Variants in MAPK8IP3 observed in about 807,000 individuals in gnomAD.
MAPK8IP3 encodes C-Jun-amino-terminal kinase-interacting protein 3.
In MAPK8IP3, 49 loss-of-function variants were observed where a neutral mutation model predicts 157.8. That is an observed-to-expected ratio of 0.31 (90% CI 0.25 to 0.39). The LOEUF (loss-of-function observed/expected upper bound fraction) is 0.39. MAPK8IP3 is among the 10% of genes least tolerant of loss of function. The pLI is 1.00. For missense variants in MAPK8IP3, 1,478 were observed against 1,889.4 expected (o/e 0.78, Z 4.04); for synonymous variants, 897 against 777.7 (o/e 1.15, Z -2.55).
At chr16:1,763,971 GC>G in intron 17 of MAPK8IP3, 143 bp from the exon 18 acceptor site, 1 of 1,062,210 alleles carries the variant, frequency 9.4e-7, no homozygotes, top group Non-Finnish European at 1.3e-6. Flanking sequence ...CGGAGAAGGA[GC>G]CCCGCGGCTC....
Position 1,762,351 on chromosome 16 carries a change from G to T in MAPK8IP3, c.1540G>T (p.Asp514Tyr), listed in dbSNP as rs764612904. Reference protein sequence around the residue: ...DVSSYLCTESDKIPMAQRRRF... With the variant: ...DVSSYLCTESYKIPMAQRRRF... ...AGCCTCTGTGCCCCTCCCTCCGCAGGACAAAATCCCCATGGCCCAGCGCCG... is the reference window on the plus strand; with the variant it reads ...AGCCTCTGTGCCCCTCCCTCCGCAGTACAAAATCCCCATGGCCCAGCGCCG... Residue 514 changes from aspartate to tyrosine, a missense_variant and splice_region_variant, in exon 14 of 32, where the codon GAC becomes TAC. By Grantham distance (160) the Asp-to-Tyr change is radical. Transcript: ENST00000610761. 3.8e-6 allele frequency: 6 copies of T among 1,571,174 alleles called. No individual in the cohort carries two copies. The highest frequency in any genetic ancestry group is 4.3e-6 in the Non-Finnish European group (5 of 1,158,858).
At chr16:1,753,503 C>T (rs1393080356) in intron 8 of MAPK8IP3, among the ~76,000 whole-genome samples, 2 of 151,542 alleles carry the variant, frequency 1.3e-5, no homozygotes, top group Non-Finnish European at 2.9e-5. Flanking sequence ...TGCAGTGACA[C>T]GATATCAGCT....
rs538236612 is a variant in MAPK8IP3, at chr16:1,717,776, C to T, written c.319-6781C>T. Among the ~76,000 whole-genome samples the T allele has an allele frequency of 6.6e-5, 10 of 152,198 alleles. No homozygotes were observed. In the South Asian group the frequency reaches 1.4e-3, roughly 22 times the overall value. ...GTTAAAACTTTATTTTTCTCAGCTC[C>T]GTTTATATTTTGTAATCGTGCTTTA... On this transcript the variant is annotated intron_variant, in intron 1 of 31. Transcript: ENST00000610761.
At chr16:1,722,494 G>A (rs553866338) in intron 1 of MAPK8IP3, among the ~76,000 whole-genome samples, 1 of 152,260 alleles carries the variant, frequency 6.6e-6, no homozygotes, top group South Asian at 2.1e-4. Flanking sequence ...CACTACCCAT[G>A]GATCTTCCAG....
chr16:1,761,330 A>T lies in MAPK8IP3; in HGVS notation c.1539+25A>T, dbSNP rs770017734. 1.4e-5 allele frequency: 23 copies of T among 1,599,216 alleles called. No homozygotes were observed. The Admixed American group carries it at 3.7e-4, about 26-fold the overall frequency. ...GGTACATCCACTCTTCACTCTTCAC[A>T]TGCGGGGCGTCCACCATTCACTTTT... On this transcript the variant is annotated intron_variant, in intron 13 of 31. Transcript: ENST00000610761.
At position 1,721,884 on chromosome 16, in the gene MAPK8IP3, C is replaced by T. The variant is rs192555238; in HGVS notation, c.319-2673C>T. 2.8e-4 allele frequency among the ~76,000 whole-genome samples: 43 copies of T among 152,328 alleles called. No individual in the cohort carries two copies. In the East Asian group the frequency reaches 7.9e-3, roughly 28 times the overall value. On this transcript the variant is annotated intron_variant, in intron 1 of 31. Coordinates refer to ENST00000610761, the MANE Select transcript of MAPK8IP3 (RefSeq NM_001318852.2). ...TCCCGGGTTCAAGTGATTCTCCTGCCTCGCCCTCCCGAGTAGCTGGGACTA... is the reference window on the plus strand; with the variant it reads ...TCCCGGGTTCAAGTGATTCTCCTGCTTCGCCCTCCCGAGTAGCTGGGACTA...
rs1354067162 is a variant in MAPK8IP3, at chr16:1,706,288, G to A, written c.-52G>A. ...GCGGAACCTGAGGCAGCTGGGGAGG[G>A]CCGGGCGCGCCGGCCGGATAGCGAG... is the stretch of plus-strand genomic sequence containing the variant. On this transcript the variant is annotated 5_prime_UTR_variant, in exon 1 of 32. Coordinates refer to ENST00000610761, the MANE Select transcript of MAPK8IP3 (RefSeq NM_001318852.2). This position sits in a 1 kb window ranked among gnomAD's most constrained non-coding sequence, Gnocchi z 5.1. 4.1e-6 allele frequency: 6 copies of A among 1,477,324 alleles called. No homozygotes were observed. Among genetic ancestry groups the A allele is most frequent in the Non-Finnish European group, 5.4e-6 (6 of 1,113,308 alleles). 91.5% of individuals were successfully genotyped at this position (1,477,324 alleles called of 1,614,324 possible).
chr16:1,748,306 G>C lies in MAPK8IP3; in HGVS notation c.1057G>C (p.Asp353His), dbSNP rs374099237. Residue 353 changes from aspartate (D) to histidine (H), a missense_variant, in exon 7 of 32, where the codon GAC becomes CAC. Physicochemically the swap from Asp to His is moderately conservative, Grantham distance 81. Around this residue, in one of 11 missense-constraint regions of MAPK8IP3, gnomAD observed 315 missense variants for 394.4 expected, o/e 0.80. Transcript: ENST00000610761. ...QDIIDSTPEL[D>H]MCPETRLDRT... ...CATTATTGACTCCACGCCAGAGCTG[G>C]ACATGTGTCCAGAGACCCGCCTGGA... The C allele has an allele frequency of 5.0e-6, 8 of 1,613,970 alleles. No individual in the cohort carries two copies. In the Admixed American group the frequency reaches 1.3e-4, roughly 27 times the overall value.
chr16:1,729,444 G>GGC (rs1555446136), intron 3 of MAPK8IP3, 43 bp from the exon 4 acceptor site: 1 of 1,517,172 alleles, frequency 6.6e-7, no homozygotes, highest in Non-Finnish European at 8.9e-7. Context: ...GACGGAGACA[G>GGC]CCCCCCACGG....
intron 10 of MAPK8IP3, among the ~76,000 whole-genome samples, chr16:1,759,319 C>T (rs2041802707): frequency 6.6e-6 from 1 of 152,208 alleles, no homozygotes. Flanking sequence ...GCAGGCAGGA[C>T]CCCTGAGCCC....
In MAPK8IP3 at chr16:1,768,317, C is replaced by T. The variant is rs780299023; in HGVS notation, c.3681C>T (p.Ala1227=). The T allele has an allele frequency of 1.2e-5, 20 of 1,608,924 alleles. No individual in the cohort carries two copies. The East Asian group carries it at 1.8e-4, about 14-fold the overall frequency. Residue 1227 remains alanine, a synonymous_variant, in exon 30 of 32, where the codon GCC becomes GCT. Coordinates refer to ENST00000610761, the MANE Select transcript of MAPK8IP3 (RefSeq NM_001318852.2). ...ASSFIPYCSM[A]QAQLCFHGHR... is the part of the protein sequence containing the mutation. ...GCTTCATCCCCTACTGCTCCATGGC[C>T]CAGGCCCAGCTATGCTTCCATGGGC...
intron 5 of MAPK8IP3, chr16:1,744,813 T>C: frequency 1.0e-6 from 1 of 985,474 alleles, no homozygotes; most frequent in Non-Finnish European, 1.2e-6. Context: ...TAGCGTTTTA[T>C]GTTTTCGTTC....
chr16:1,732,996 G>A (rs573494176), intron 4 of MAPK8IP3, among the ~76,000 whole-genome samples: 6 of 152,352 alleles, frequency 3.9e-5, no homozygotes, highest in South Asian at 2.1e-4. Context: ...CTCCCGTCTC[G>A]TGGCATGCAC....
At chr16:1,738,500 G>A (rs547980555) in intron 4 of MAPK8IP3, among the ~76,000 whole-genome samples, 11 of 123,550 alleles carry the variant, frequency 8.9e-5, no homozygotes, top group East Asian at 5.0e-4. Flanking sequence ...GTGACCGTCC[G>A]TGTGTGTGAC....
At chr16:1,707,636 A>T (rs1490246255) in intron 1 of MAPK8IP3, 1 of 152,196 alleles carries the variant, frequency 6.6e-6, no homozygotes, top group Non-Finnish European at 1.5e-5. Context: ...TTTGTCAGAA[A>T]CAGGTTCAGG....
chr16:1,734,008 T>G lies in MAPK8IP3; in HGVS notation c.602+4430T>G, dbSNP rs139949896. On this transcript the variant is annotated intron_variant, in intron 4 of 31. Transcript: ENST00000610761. ...CCCCAGCCACGGACCCCAGGAAGCC[T>G]CCATTTGTGAAACAGGACCCCTGCA... Among the ~76,000 whole-genome samples the G allele has an allele frequency of 3.0e-3, 455 of 152,290 alleles. 1 individual carries two copies. The highest frequency in any genetic ancestry group is 6.8e-3 in the Middle Eastern group (2 of 294).
At chr16:1,707,703 G>A (rs1260604995) in intron 1 of MAPK8IP3, 1 of 152,172 alleles carries the variant, frequency 6.6e-6, no homozygotes, top group Non-Finnish European at 1.5e-5. Flanking sequence ...GCCTGCCTGG[G>A]GTTCGATTTT....
intron 2 of MAPK8IP3, among the ~76,000 whole-genome samples, chr16:1,725,205 T>TA (rs1037511524): frequency 7.9e-4 from 119 of 150,540 alleles, no homozygotes; most frequent in African/African-American, 2.8e-3. Context: ...TTGGTTTACT[T>TA]ACCTTTAAAA....
chr16:1,767,764 G>A, intron 27 of MAPK8IP3, 29 bp downstream of exon 27: 1 of 1,611,920 alleles, frequency 6.2e-7, no homozygotes, highest in South Asian at 1.1e-5. Flanking sequence ...TGGGGTGGTG[G>A]GGTGCTCAAG....
Sources: allele counts gnomAD v4.1 joint callset (sites outside exome capture counted in the v4.1 genomes callset), GRCh38; gene constraint gnomAD v4.1.1; regional missense constraint gnomAD v4.1.1; non-coding constraint Gnocchi (gnomAD v3.1); transcripts MANE v1.5; gene names NCBI Gene and HGNC (gene_info 2026-07-23, HGNC 2026-07-21).